IL1RAPL2: variants seen among roughly 807,000 people sequenced by gnomAD.
The protein encoded by IL1RAPL2 is X-linked interleukin-1 receptor accessory protein-like 2.
IL1RAPL2 carries 3 observed loss-of-function variants against 44.1 expected under a neutral mutation model. The ratio of observed to expected loss-of-function variants is 0.07; its 90% CI spans 0.03 to 0.18. The LOEUF (loss-of-function observed/expected upper bound fraction) is 0.18. Ranked by LOEUF, IL1RAPL2 falls within the 10% of genes least tolerant of loss-of-function variation. The probability of loss-of-function intolerance (pLI) is 1.00; values close to 1 mark genes in which losing one functional copy is unlikely to be tolerated. For synonymous variants in IL1RAPL2, 181 were observed against 178.8 expected (o/e 1.01, Z -0.10); for missense variants, 391 against 496.4 (o/e 0.79, Z 2.02).
intron 2 of IL1RAPL2, among the ~76,000 whole-genome samples, chrX:104,706,294 C>T (rs1931362819): frequency 8.9e-6 from 1 of 112,001 alleles, no homozygotes; most frequent in Admixed American, 9.5e-5. Flanking sequence ...TAAAAATACC[C>T]AATATTCATT....
intron 2 of IL1RAPL2, among the ~76,000 whole-genome samples, chrX:105,004,437 A>C (rs1425399305): frequency 9.1e-6 from 1 of 110,494 alleles, no homozygotes; most frequent in Non-Finnish European, 1.9e-5. Flanking sequence ...TTTTCAAAAA[A>C]AATTCCCATC....
chrX:104,577,383 T>A (rs565882110), intron 1 of IL1RAPL2, among the ~76,000 whole-genome samples: 2 of 111,735 alleles, frequency 1.8e-5, no homozygotes, highest in African/African-American at 6.5e-5. Flanking sequence ...AGCTGTGCAG[T>A]TTTTTCAAGC....
intron 2 of IL1RAPL2, among the ~76,000 whole-genome samples, chrX:105,145,941 G>A (rs2033176047): frequency 9.0e-6 from 1 of 110,822 alleles, no homozygotes; most frequent in Non-Finnish European, 1.9e-5. Context: ...AGATCAAAAG[G>A]GTGGAGCCCT....
chrX:104,865,461 T>G (rs1268888054), intron 2 of IL1RAPL2, among the ~76,000 whole-genome samples: 1 of 111,428 alleles, frequency 9.0e-6, no homozygotes, highest in African/African-American at 3.3e-5. Context: ...GGGGTGAACT[T>G]GGGATGGTTA....
At chrX:105,714,966 A>T (rs2038244471) in intron 6 of IL1RAPL2, among the ~76,000 whole-genome samples, 1 of 112,027 alleles carries the variant, frequency 8.9e-6, no homozygotes, top group African/African-American at 3.2e-5. Context: ...CGTTAACTTC[A>T]TTATTACCAT....
rs143247634 is a variant in IL1RAPL2, at chrX:105,740,684, T to C, written c.1041T>C (p.Arg347=). 3.4e-5 allele frequency: 41 copies of C among 1,202,200 alleles called. No homozygotes were observed. In the African/African-American group the frequency reaches 5.9e-4, roughly 17 times the overall value. ...GGAAACATGCCAGTGTTTTGCTGCG[T>C]AAAAAGGGTATTTATTTTTATAACT... ...NGRKHASVLL[R]KKDLIYKIEL... The change falls in exon 8 of 11, where the codon CGT becomes CGC. Residue 347 remains arginine (R), a synonymous_variant. Coordinates refer to ENST00000372582, the MANE Select transcript of IL1RAPL2 (RefSeq NM_017416.2).
At position 105,037,398 on chromosome X, in the gene IL1RAPL2, T is replaced by C. The variant is rs1282430441; in HGVS notation, c.83-158077T>C. On this transcript the variant is annotated intron_variant, in intron 2 of 10. Coordinates refer to ENST00000372582, the MANE Select transcript of IL1RAPL2 (RefSeq NM_017416.2). ...AAAAGATAGAAAAAGGGTTGGGTAG[T>C]TACAGGGGGACAACAATGCCAGACT... is the stretch of plus-strand genomic sequence containing the variant. Among the ~76,000 whole-genome samples, 3 of 111,027 alleles carry C rather than the reference T, an allele frequency of 2.7e-5. No homozygotes were observed. The Admixed American group carries it at 2.9e-4, about 11-fold the overall frequency.
At chrX:104,871,846 T>C (rs1265950987) in intron 2 of IL1RAPL2, among the ~76,000 whole-genome samples, 1 of 112,117 alleles carries the variant, frequency 8.9e-6, no homozygotes, top group Non-Finnish European at 1.9e-5. Flanking sequence ...ATACATTTGA[T>C]TAAATTATTT....
At chrX:105,515,190 A>G (rs1335610927) in intron 6 of IL1RAPL2, among the ~76,000 whole-genome samples, 1 of 111,941 alleles carries the variant, frequency 8.9e-6, no homozygotes, top group Non-Finnish European at 1.9e-5. Flanking sequence ...TGCTGAAGAC[A>G]GAACCACAGA....
chrX:105,326,415 C>T (rs2034939092), intron 5 of IL1RAPL2, among the ~76,000 whole-genome samples: 1 of 110,655 alleles, frequency 9.0e-6, no homozygotes, highest in Admixed American at 9.7e-5. Flanking sequence ...AAATTTTTTA[C>T]GAAGTCCAAT....
chrX:105,062,472 C>T (rs2032087369), intron 2 of IL1RAPL2, among the ~76,000 whole-genome samples: 1 of 111,627 alleles, frequency 9.0e-6, no homozygotes, highest in African/African-American at 3.3e-5. Context: ...AGTTTACACA[C>T]TACACTCATA....
intron 6 of IL1RAPL2, among the ~76,000 whole-genome samples, chrX:105,580,976 T>C (rs1423206689): frequency 8.9e-6 from 1 of 111,762 alleles, no homozygotes; most frequent in Non-Finnish European, 1.9e-5. Context: ...TTCTGTGGAC[T>C]CACCTTAGTT....
At chrX:105,363,308 A>AATATATATATATAT (rs1219827978) in intron 5 of IL1RAPL2, among the ~76,000 whole-genome samples, 1 of 68,569 alleles carries the variant, frequency 1.5e-5, no homozygotes, top group African/African-American at 1.3e-4. Context: ...ATATATATAT[A>AATATATATATATAT]ATATATATAT....
At chrX:105,532,548 T>C (rs987734323) in intron 6 of IL1RAPL2, among the ~76,000 whole-genome samples, 2 of 111,244 alleles carry the variant, frequency 1.8e-5, no homozygotes, top group African/African-American at 6.5e-5. Flanking sequence ...TATATGAGTT[T>C]CTGATTGTAT....
intron 2 of IL1RAPL2, among the ~76,000 whole-genome samples, chrX:105,119,465 A>T (rs1454762204): frequency 9.0e-6 from 1 of 111,312 alleles, no homozygotes; most frequent in Non-Finnish European, 1.9e-5. Flanking sequence ...TCGATCCTGC[A>T]TTCTACAAAA....
intron 5 of IL1RAPL2, among the ~76,000 whole-genome samples, chrX:105,390,506 G>T (rs1207147648): frequency 9.0e-6 from 1 of 111,205 alleles, no homozygotes; most frequent in African/African-American, 3.3e-5. Flanking sequence ...TTTATTTAAG[G>T]CAATCTATTT....
In IL1RAPL2 at chrX:105,691,997, AAC is replaced by A. The variant is rs1282252812; in HGVS notation, c.773-25366_773-25365del. Among the ~76,000 whole-genome samples, 3 of 111,938 alleles carry A rather than the reference AAC, an allele frequency of 2.7e-5. No homozygotes were observed. The Admixed American group carries it at 2.9e-4, about 11-fold the overall frequency. On this transcript the variant is annotated intron_variant, in intron 6 of 10. Coordinates refer to ENST00000372582, the MANE Select transcript of IL1RAPL2 (RefSeq NM_017416.2). The stretch of plus-strand genomic sequence containing the variant: ...CCACTGAAAAATAGATTTCTACTGA[AAC>A]ACAGTATTTTTTTCTACAAATAGAA...
At chrX:105,455,546 C>G (rs986407812) in intron 5 of IL1RAPL2, among the ~76,000 whole-genome samples, 1 of 111,866 alleles carries the variant, frequency 8.9e-6, no homozygotes, top group African/African-American at 3.3e-5. Flanking sequence ...TATGGATAGC[C>G]CATTATCCCA....
In IL1RAPL2 at chrX:104,947,235, T is replaced by C. The variant is rs1380439987; in HGVS notation, c.83-248240T>C. 2.6e-4 allele frequency among the ~76,000 whole-genome samples: 29 copies of C among 110,604 alleles called. 1 individual carries two copies. Among genetic ancestry groups the C allele is most frequent in the African/African-American group, 9.6e-4 (29 of 30,208 alleles). ...TCTTCTTTTGAGAAGTGTCTGTTCC[T>C]GTCCTTCGCCCACTTTTTGATGGGG... is the stretch of plus-strand genomic sequence containing the variant. On this transcript the variant is annotated intron_variant, in intron 2 of 10. Transcript: ENST00000372582.
Sources: allele counts gnomAD v4.1 joint callset (sites outside exome capture counted in the v4.1 genomes callset), GRCh38; gene constraint gnomAD v4.1.1; transcripts MANE v1.5; gene names NCBI Gene and HGNC (gene_info 2026-07-23, HGNC 2026-07-21).